The following VWC2 variants were observed in gnomAD, a reference collection of about 807,000 sequenced individuals.
VWC2 encodes the protein brorin.
VWC2 carries 14 observed loss-of-function variants against 29.8 expected under a neutral mutation model. That is an observed-to-expected ratio of 0.47 (90% confidence interval 0.31 to 0.74). VWC2 has a LOEUF of 0.74. Ranked by LOEUF, VWC2 falls within the 30% of genes least tolerant of loss-of-function variation. The pLI is 0.05. For synonymous variants in VWC2, 213 were observed against 199.0 expected (o/e 1.07, Z -0.59); for missense variants, 457 against 459.8 (o/e 0.99, Z 0.05).
At chr7:49,842,215 T>A (rs1369836159) in intron 3 of VWC2, among the ~76,000 whole-genome samples, 1 of 152,170 alleles carries the variant, frequency 6.6e-6, no homozygotes, top group Non-Finnish European at 1.5e-5. Context: ...AAATACTTGA[T>A]AAATACATGT....
intron 3 of VWC2, among the ~76,000 whole-genome samples, chr7:49,831,340 T>C (rs1789520089): frequency 6.6e-6 from 1 of 152,224 alleles, no homozygotes; most frequent in African/African-American, 2.4e-5. Flanking sequence ...TTTTATTTTT[T>C]CTCAAGCAAC....
chr7:49,833,712 C>T (rs1789590506), intron 3 of VWC2, among the ~76,000 whole-genome samples: 1 of 152,136 alleles, frequency 6.6e-6, no homozygotes, highest in African/African-American at 2.4e-5. Context: ...GAAGATCACT[C>T]ATTGAACATT....
chr7:49,863,892 T>G (rs1790773016), intron 3 of VWC2, among the ~76,000 whole-genome samples: 1 of 152,234 alleles, frequency 6.6e-6, no homozygotes. Flanking sequence ...TAAGCATTTA[T>G]AGCCATAAAT....
intron 3 of VWC2, among the ~76,000 whole-genome samples, chr7:49,843,084 C>G (rs1376220144): frequency 1.3e-5 from 2 of 152,148 alleles, no homozygotes; most frequent in Non-Finnish European, 2.9e-5. Context: ...CCTGCTCCAG[C>G]AGTCCCCAGT....
chr7:49,802,581 T>A (rs1057032492), intron 2 of VWC2, 130 bp from the exon 3 acceptor site: 3 of 1,263,916 alleles, frequency 2.4e-6, no homozygotes. Flanking sequence ...GAGGTTGCGG[T>A]GAGCCGAGAT....
intron 3 of VWC2, among the ~76,000 whole-genome samples, chr7:49,826,715 G>A (rs914737567): frequency 6.6e-6 from 1 of 152,142 alleles, no homozygotes. Flanking sequence ...AATCTGGTAG[G>A]AAATTTTTGG....
chr7:49,834,700 A>G (rs1302041874), intron 3 of VWC2, among the ~76,000 whole-genome samples: 1 of 152,238 alleles, frequency 6.6e-6, no homozygotes, highest in African/African-American at 2.4e-5. Context: ...GGTGCTAGAA[A>G]TCAAGTAAGA....
At chr7:49,808,712 A>G (rs7806958) in intron 3 of VWC2, among the ~76,000 whole-genome samples, 63,340 of 151,826 alleles carry the variant, frequency 0.42, 14,231 homozygotes, top group Non-Finnish European at 0.52. Context: ...ATTAAATTAG[A>G]ATCAACAACA....
At chr7:49,908,129 A>G (rs1793206619) in intron 3 of VWC2, among the ~76,000 whole-genome samples, 1 of 152,244 alleles carries the variant, frequency 6.6e-6, no homozygotes, top group Admixed American at 6.5e-5. Flanking sequence ...TGTGATGCCA[A>G]TACTAGAGTC....
intron 3 of VWC2, among the ~76,000 whole-genome samples, chr7:49,867,575 C>A (rs1790955037): frequency 6.6e-6 from 1 of 152,174 alleles, no homozygotes; most frequent in Admixed American, 6.5e-5. Context: ...AAAGGCTACA[C>A]AGAGGACACA....
intron 3 of VWC2, among the ~76,000 whole-genome samples, chr7:49,902,552 G>A (rs1375543818): frequency 3.4e-5 from 4 of 117,820 alleles, no homozygotes; most frequent in Non-Finnish European, 7.5e-5. Context: ...GATATCCGTA[G>A]CCAAAAAAAA....
intron 2 of VWC2, among the ~76,000 whole-genome samples, chr7:49,789,900 C>G (rs1297012804): frequency 1.3e-5 from 2 of 152,232 alleles, no homozygotes; most frequent in Non-Finnish European, 2.9e-5. Flanking sequence ...CTGCACTGGC[C>G]CTGGTGCTCC....
intron 3 of VWC2, among the ~76,000 whole-genome samples, chr7:49,815,200 G>C (rs895038347): frequency 3.3e-5 from 5 of 152,174 alleles, no homozygotes; most frequent in African/African-American, 1.2e-4. Context: ...TGATCTCACA[G>C]TCTAGAGGTG....
chr7:49,898,129 G>GTA (rs1422028208), intron 3 of VWC2, among the ~76,000 whole-genome samples: 18 of 152,014 alleles, frequency 1.2e-4, no homozygotes, highest in South Asian at 8.3e-4. Context: ...GTGTGTGTGT[G>GTA]TATGTATGTG....
intron 3 of VWC2, among the ~76,000 whole-genome samples, chr7:49,805,218 TA>T (rs1467923408): frequency 6.6e-6 from 1 of 152,218 alleles, no homozygotes; most frequent in Non-Finnish European, 1.5e-5. Context: ...GTCCTGATGG[TA>T]AACTTCTAAA....
At chr7:49,816,221 T>C (rs190489119) in intron 3 of VWC2, among the ~76,000 whole-genome samples, 1 of 152,292 alleles carries the variant, frequency 6.6e-6, no homozygotes, top group Non-Finnish European at 1.5e-5. Context: ...AAGTTATTAG[T>C]AGATTTAATT....
intron 2 of VWC2, among the ~76,000 whole-genome samples, chr7:49,786,142 C>G (rs1788289811): frequency 6.6e-6 from 1 of 152,168 alleles, no homozygotes; most frequent in Non-Finnish European, 1.5e-5. Context: ...ACCTCCCTCG[C>G]CCCTCTCATA....
At chr7:49,794,982 G>T (rs555625545) in intron 2 of VWC2, among the ~76,000 whole-genome samples, 1 of 152,262 alleles carries the variant, frequency 6.6e-6, no homozygotes, top group African/African-American at 2.4e-5. Context: ...CAGCCATTTT[G>T]TTAGTTTCTC....
At position 49,921,430 on chromosome 7, in the gene VWC2, G is replaced by A. The variant is rs1424344921; in HGVS notation, c.*9245G>A. ...ACGTTTGCAATTTATTTGCTTTAATGTAACTTGGCAGTAAAGACTTTGGCC... is the reference window on the plus strand; with the variant it reads ...ACGTTTGCAATTTATTTGCTTTAATATAACTTGGCAGTAAAGACTTTGGCC... On this transcript the variant is annotated 3_prime_UTR_variant, in exon 4 of 4. Coordinates refer to ENST00000340652, the MANE Select transcript of VWC2 (RefSeq NM_198570.5). 1 of 152,142 alleles carries A rather than the reference G, an allele frequency of 6.6e-6. No individual in the cohort carries two copies. The highest frequency in any genetic ancestry group is 1.5e-5 in the Non-Finnish European group (1 of 68,024). The allele number at this position is 152,142 out of a possible 1,614,324, so 9.4% of individuals were successfully genotyped here.
Sources: allele counts gnomAD v4.1 joint callset (sites outside exome capture counted in the v4.1 genomes callset), GRCh38; gene constraint gnomAD v4.1.1; transcripts MANE v1.5; gene names NCBI Gene and HGNC (gene_info 2026-07-23, HGNC 2026-07-21).